IPP: variants seen among roughly 807,000 people sequenced by gnomAD.
IPP encodes the protein intracisternal A particle-promoted polypeptide, also known as actin-binding protein IPP.
Under a neutral mutation model 64.1 loss-of-function variants are expected in IPP, and 41 were observed. That is an observed-to-expected ratio of 0.64 (90% confidence interval 0.50 to 0.83). The LOEUF is 0.83. Among genes scored for constraint, IPP ranks in the 40% least tolerant of loss-of-function variants. The pLI is 0.00. For missense variants in IPP, 649 were observed against 703.0 expected (o/e 0.92, Z 0.87); for synonymous variants, 214 against 235.2 (o/e 0.91, Z 0.83).
At chr1:45,715,250 ATTTCC>A (rs1158729945) in intron 7 of IPP, among the ~76,000 whole-genome samples, 1 of 151,724 alleles carries the variant, frequency 6.6e-6, no homozygotes, top group East Asian at 1.9e-4. Context: ...TTTACATAAA[ATTTCC>A]TTATAAACTC....
Position 45,746,258 on chromosome 1 carries a change from G to T in IPP, c.154C>A (p.Arg52=), listed in dbSNP as rs749551162. 6 of 1,614,008 alleles carry T rather than the reference G, an allele frequency of 3.7e-6. No homozygotes were observed. Among genetic ancestry groups the T allele is most frequent in the African/African-American group, 2.7e-5 (2 of 74,906 alleles). Residue 52 remains arginine (R), a synonymous_variant, in exon 2 of 9, where the codon CGG becomes AGG. Transcript: ENST00000396478. ...GGACTGCTGGCAGCCAAAACCAGCC[G>T]ATGAGCTTTAAAACTTTCCTGTCCA... ...QVGQESFKAH[R]LVLAASSPYF...
At chr1:45,723,813 C>A (rs1645764170) in intron 5 of IPP, among the ~76,000 whole-genome samples, 1 of 151,570 alleles carries the variant, frequency 6.6e-6, no homozygotes, top group South Asian at 2.1e-4. Context: ...CAAACCCTGG[C>A]CCACTAAAAA....
chr1:45,729,816 A>T, intron 3 of IPP, 47 bp from the exon 4 acceptor site: 1 of 1,145,932 alleles, frequency 8.7e-7, no homozygotes, highest in Non-Finnish European at 1.2e-6. Flanking sequence ...TTTTTAAATA[A>T]TATTGAAAAA....
intron 1 of IPP, among the ~76,000 whole-genome samples, chr1:45,749,414 A>C (rs1194768391): frequency 1.3e-5 from 2 of 151,092 alleles, no homozygotes; most frequent in African/African-American, 4.9e-5. Context: ...TGAAAAGCAG[A>C]TTGTTGACTG....
chr1:45,707,692 G>T (rs961273243), intron 8 of IPP, among the ~76,000 whole-genome samples: 3 of 152,070 alleles, frequency 2.0e-5, no homozygotes, highest in African/African-American at 7.2e-5. Context: ...AGAAAAGAGT[G>T]GGAAAAACTT....
chr1:45,731,055 T>G (rs1257649568), intron 3 of IPP, among the ~76,000 whole-genome samples: 1 of 152,124 alleles, frequency 6.6e-6, no homozygotes, highest in African/African-American at 2.4e-5. Flanking sequence ...TAACAAGAAC[T>G]CAATAGAGAG....
intron 1 of IPP, among the ~76,000 whole-genome samples, chr1:45,748,166 T>C (rs1436552849): frequency 1.3e-5 from 2 of 152,158 alleles, no homozygotes; most frequent in African/African-American, 2.4e-5. Context: ...ATAACTAGCA[T>C]ATAATAGCAA....
intron 3 of IPP, among the ~76,000 whole-genome samples, chr1:45,738,850 A>AAACAAAAAAAAC (rs768638228): frequency 0.24 from 34,069 of 139,064 alleles, 4,805 homozygotes; most frequent in South Asian, 0.34. Context: ...AAAAAAAAAA[A>AAACAAAAAAAAC]AAAAAAAAAA....
chr1:45,723,334 T>A (rs1373617421), intron 5 of IPP, among the ~76,000 whole-genome samples: 2 of 152,196 alleles, frequency 1.3e-5, no homozygotes, highest in Non-Finnish European at 2.9e-5. Flanking sequence ...TATTTAAAAG[T>A]TATATATTAA....
Position 45,747,834 on chromosome 1 carries a change from C to CAAAAAAA in IPP, c.-50-1380_-50-1374dup. ...TGGGTAACAGAGCAAGACTCTGTCT[C>CAAAAAAA]AAAAAAAAAAAAAAAAAAAAAAAAA... On this transcript the variant is annotated intron_variant, in intron 1 of 8. Transcript: ENST00000396478. 7.6e-4 allele frequency among the ~76,000 whole-genome samples: 30 copies of CAAAAAAA among 39,292 alleles called. 1 individual carries two copies. Among genetic ancestry groups the CAAAAAAA allele is most frequent in the Admixed American group, 1.4e-3 (3 of 2,120 alleles). 25.8% of individuals were successfully genotyped at this position (39,292 alleles called of 152,430 possible).
At position 45,698,992 on chromosome 1, in the gene IPP, G is replaced by A; in HGVS notation, c.*974C>T. 1 of 960,234 alleles carries A rather than the reference G, an allele frequency of 1.0e-6. No homozygotes were observed. Among genetic ancestry groups the A allele is most frequent in the Non-Finnish European group, 1.2e-6 (1 of 806,926 alleles). 59.5% of individuals were successfully genotyped at this position (960,234 alleles called of 1,614,324 possible). On this transcript the variant is annotated 3_prime_UTR_variant, in exon 9 of 9. Coordinates refer to ENST00000396478, the MANE Select transcript of IPP (RefSeq NM_005897.3). ...CCGTCTCACCTCGGCCTCTCAAAGT[G>A]CTGGGATTACAGGTGTGAGCCACCA... is the stretch of plus-strand genomic sequence containing the variant.
At chr1:45,748,792 T>C (rs1449737713) in intron 1 of IPP, among the ~76,000 whole-genome samples, 1 of 151,984 alleles carries the variant, frequency 6.6e-6, no homozygotes, top group African/African-American at 2.4e-5. Context: ...GCCAACATGG[T>C]GACCCCATCT....
chr1:45,740,783 A>T, intron 3 of IPP, 118 bp downstream of exon 3: 1 of 594,536 alleles, frequency 1.7e-6, no homozygotes, highest in Admixed American at 3.6e-5. Context: ...AAAAAAAAAG[A>T]GTAATCATTC....
intron 8 of IPP, among the ~76,000 whole-genome samples, chr1:45,707,506 G>A (rs1328363232): frequency 6.6e-6 from 1 of 151,072 alleles, no homozygotes; most frequent in Non-Finnish European, 1.5e-5. Flanking sequence ...TGAACATGAT[G>A]AGGAGAGAAA....
rs1385771143 is a variant in IPP at position 45,699,086 on chromosome 1, C to T, written c.*880G>A. The T allele has an allele frequency of 3.0e-6, 3 of 985,220 alleles. No individual in the cohort carries two copies. The highest frequency in any genetic ancestry group is 1.1e-4 in the East Asian group (1 of 8,828). 61.0% of individuals were successfully genotyped at this position (985,220 alleles called of 1,614,324 possible). On this transcript the variant is annotated 3_prime_UTR_variant, in exon 9 of 9. Coordinates refer to ENST00000396478, the MANE Select transcript of IPP (RefSeq NM_005897.3). Reference sequence around the variant, plus strand: ...TGCTGGACTGTATAGCCCATTACAACATCTGGTCACTAAGAACCTCCTATT... The same window carrying T: ...TGCTGGACTGTATAGCCCATTACAATATCTGGTCACTAAGAACCTCCTATT...
chr1:45,729,757 A>T lies in IPP; in HGVS notation c.737T>A (p.Phe246Tyr), dbSNP rs1456031730. 2 of 1,578,106 alleles carry T rather than the reference A, an allele frequency of 1.3e-6. No homozygotes were observed. Among genetic ancestry groups the T allele is most frequent in the Non-Finnish European group, 1.7e-6 (2 of 1,158,852 alleles). ...TGTTTGCAATGCAACACGAAGATTA[A>T]AATCGGATACTCCTAAAACAATATT... The part of the protein sequence containing the change: ...LLKYIEGVSD[F>Y]NLRVALQTLL... The change falls in exon 4 of 9, where the codon TTT becomes TAT. Residue 246 changes from phenylalanine (F) to tyrosine (Y), a missense_variant. Coordinates refer to ENST00000396478, the MANE Select transcript of IPP (RefSeq NM_005897.3).
intron 4 of IPP, 69 bp downstream of exon 4, chr1:45,729,545 C>T: frequency 2.5e-6 from 3 of 1,195,752 alleles, no homozygotes; most frequent in Non-Finnish European, 3.6e-6. Flanking sequence ...GTAATAACAA[C>T]AAAATATTAA....
At position 45,700,000 on chromosome 1, in the gene IPP, G is replaced by T; in HGVS notation, c.1721C>A (p.Thr574Asn). 1 of 1,614,114 alleles carries T rather than the reference G, an allele frequency of 6.2e-7. No individual in the cohort carries two copies. Among genetic ancestry groups the T allele is most frequent in the Admixed American group, 1.7e-5 (1 of 60,004 alleles). ...AGCAACGCCCCCTTCACAACGACTG[G>T]TGATCATGTTACCAATTTCTGTCCA... ...DTWTEIGNMI[T>N]SRCEGGVAVL is the part of the protein sequence containing the mutation. The change falls in exon 9 of 9, where the codon ACC becomes AAC. Residue 574 changes from threonine (T) to asparagine (N), a missense_variant. Physicochemically the swap from Thr to Asn is moderately conservative, Grantham distance 65 (BLOSUM62 0). Transcript: ENST00000396478.
downstream of IPP, among the ~76,000 whole-genome samples, chr1:45,695,276 C>T (rs1645377304): frequency 2.0e-5 from 3 of 152,140 alleles, no homozygotes; most frequent in South Asian, 4.1e-4. Flanking sequence ...GCAATTCTCC[C>T]ACCTCAGCCT....
Sources: allele counts gnomAD v4.1 joint callset (sites outside exome capture counted in the v4.1 genomes callset), GRCh38; gene constraint gnomAD v4.1.1; transcripts MANE v1.5; gene names NCBI Gene and HGNC (gene_info 2026-07-23, HGNC 2026-07-21).